The following TMEM117 variants were observed in gnomAD, a reference collection of about 807,000 sequenced individuals.
The protein encoded by TMEM117 is transmembrane protein 117.
In TMEM117, 27 loss-of-function variants were observed where a neutral mutation model predicts 52.4. The observed-to-expected ratio is 0.51, with a 90% CI of 0.38 to 0.71. The LOEUF (loss-of-function observed/expected upper bound fraction) is 0.71, where lower values mean the gene tolerates loss of function less well. Ranked by LOEUF, TMEM117 falls within the 30% of genes least tolerant of loss-of-function variation. The probability of loss-of-function intolerance (pLI) is 0.00; values close to 1 mark genes in which losing one functional copy is unlikely to be tolerated. For missense variants in TMEM117, 556 were observed against 630.5 expected (o/e 0.88, Z 1.26); for synonymous variants, 215 against 206.3 (o/e 1.04, Z -0.36).
intron 5 of TMEM117, among the ~76,000 whole-genome samples, chr12:44,238,089 A>G (rs1000115547): frequency 6.6e-6 from 1 of 152,184 alleles, no homozygotes; most frequent in South Asian, 2.1e-4. Context: ...CTTTGACTTC[A>G]CCATTGAAAT....
intron 3 of TMEM117, among the ~76,000 whole-genome samples, chr12:44,138,097 G>C (rs1039049283): frequency 6.6e-6 from 1 of 152,134 alleles, no homozygotes; most frequent in African/African-American, 2.4e-5. Context: ...TTTGTCCCAA[G>C]TCATGGGGGT....
intron 3 of TMEM117, among the ~76,000 whole-genome samples, chr12:44,036,317 TA>T (rs1179711138): frequency 1.3e-5 from 2 of 152,244 alleles, no homozygotes; most frequent in Non-Finnish European, 2.9e-5. Context: ...CTTAAGCAAC[TA>T]ATGTCCTGAA....
At chr12:43,940,199 C>T (rs1264761311) in intron 2 of TMEM117, among the ~76,000 whole-genome samples, 1 of 152,118 alleles carries the variant, frequency 6.6e-6, no homozygotes, top group Non-Finnish European at 1.5e-5. Context: ...CTTTATGAAC[C>T]CAGAAGCCCT....
At chr12:43,880,307 A>T (rs975675059) in intron 2 of TMEM117, among the ~76,000 whole-genome samples, 1 of 152,106 alleles carries the variant, frequency 6.6e-6, no homozygotes, top group Non-Finnish European at 1.5e-5. Flanking sequence ...ATATACTGTT[A>T]TTTGAATACA....
intron 3 of TMEM117, among the ~76,000 whole-genome samples, chr12:44,065,523 T>C (rs999218234): frequency 2.0e-5 from 3 of 152,220 alleles, no homozygotes; most frequent in African/African-American, 7.2e-5. Context: ...TTAGAGCTCA[T>C]TACATATTTC....
At chr12:43,804,491 T>C in the TMEM117 span, 18 of 1,566,018 alleles carry the variant, frequency 1.1e-5, no homozygotes, top group East Asian at 4.1e-4. Flanking sequence ...AATATTTAAC[T>C]AACCATTTTC....
intron 2 of TMEM117, among the ~76,000 whole-genome samples, chr12:43,864,538 T>C (rs1349298561): frequency 6.6e-6 from 1 of 151,934 alleles, no homozygotes; most frequent in Non-Finnish European, 1.5e-5. Context: ...GGTTTGTAAA[T>C]ACACCAATCA....
intron 5 of TMEM117, among the ~76,000 whole-genome samples, chr12:44,230,551 C>A (rs1285766837): frequency 2.6e-5 from 4 of 152,024 alleles, no homozygotes; most frequent in African/African-American, 9.7e-5. Context: ...CAACAGCCAA[C>A]TTACTTATCA....
chr12:44,360,344 C>T (rs1325116646), intron 6 of TMEM117, among the ~76,000 whole-genome samples: 1 of 151,780 alleles, frequency 6.6e-6, no homozygotes, highest in African/African-American at 2.4e-5. Flanking sequence ...CTTTGGGAGG[C>T]CGAGGTGGAA....
chr12:43,983,021 A>G (rs1464151917), intron 3 of TMEM117, among the ~76,000 whole-genome samples: 17 of 152,178 alleles, frequency 1.1e-4, no homozygotes, highest in African/African-American at 3.6e-4. Context: ...AACCACCTCA[A>G]TGTTTAGAAG....
At chr12:44,199,883 C>T (rs548479361) in intron 4 of TMEM117, among the ~76,000 whole-genome samples, 111 of 152,080 alleles carry the variant, frequency 7.3e-4, no homozygotes, top group African/African-American at 2.2e-3. Flanking sequence ...ATTGGGAGGC[C>T]GAGGCAGGTG....
chr12:44,383,092 A>T (rs1281554026), intron 7 of TMEM117, among the ~76,000 whole-genome samples: 5 of 152,120 alleles, frequency 3.3e-5, no homozygotes, highest in Non-Finnish European at 5.9e-5. Context: ...GACTTTGGGG[A>T]GCGTAACCAC....
chr12:44,104,593 C>T (rs533942270), intron 3 of TMEM117, among the ~76,000 whole-genome samples: 11 of 152,136 alleles, frequency 7.2e-5, no homozygotes, highest in African/African-American at 2.2e-4. Context: ...TTATGTGGCT[C>T]TGAGTTTCTG....
chr12:44,149,361 C>G (rs1948689371), intron 4 of TMEM117, among the ~76,000 whole-genome samples: 1 of 152,020 alleles, frequency 6.6e-6, no homozygotes, highest in Non-Finnish European at 1.5e-5. Context: ...AGAGTAAATA[C>G]CATTACATCA....
At chr12:44,154,500 A>G (rs985132370) in intron 4 of TMEM117, among the ~76,000 whole-genome samples, 1 of 152,076 alleles carries the variant, frequency 6.6e-6, no homozygotes, top group Non-Finnish European at 1.5e-5. Flanking sequence ...AGATTTTAAA[A>G]TACATCATAA....
intron 3 of TMEM117, among the ~76,000 whole-genome samples, chr12:44,021,822 C>T (rs571013457): frequency 6.6e-6 from 1 of 152,302 alleles, no homozygotes; most frequent in African/African-American, 2.4e-5. Context: ...GTAGTGACCA[C>T]CTGCCACTGT....
At chr12:44,199,985 G>A (rs1171695495) in intron 4 of TMEM117, among the ~76,000 whole-genome samples, 1 of 152,074 alleles carries the variant, frequency 6.6e-6, no homozygotes, top group Non-Finnish European at 1.5e-5. Flanking sequence ...GGGTGTGGTG[G>A]CACACACCTG....
At chr12:43,851,578 T>C (rs563427210) in intron 2 of TMEM117, among the ~76,000 whole-genome samples, 16 of 152,324 alleles carry the variant, frequency 1.1e-4, no homozygotes, top group African/African-American at 3.6e-4. Flanking sequence ...TTAGGACTTA[T>C]ATTCAAGGAG....
chr12:43,892,784 C>A (rs1005807862), intron 2 of TMEM117, among the ~76,000 whole-genome samples: 4 of 151,976 alleles, frequency 2.6e-5, no homozygotes, highest in Non-Finnish European at 5.9e-5. Context: ...AGAAGATAGA[C>A]TATAAAGAGA....
Sources: allele counts gnomAD v4.1 joint callset (sites outside exome capture counted in the v4.1 genomes callset), GRCh38; gene constraint gnomAD v4.1.1; transcripts MANE v1.5; gene names NCBI Gene and HGNC (gene_info 2026-07-23, HGNC 2026-07-21).